MAMDC2: variants seen among roughly 807,000 people sequenced by gnomAD.
MAMDC2 encodes MAM domain-containing protein 2.
A neutral mutation model predicts 89.8 loss-of-function variants in MAMDC2; 57 were observed. The observed-to-expected ratio is 0.63, with a 90% CI of 0.51 to 0.79. The LOEUF is 0.79. Ranked by LOEUF, MAMDC2 falls within the 30% of genes least tolerant of loss-of-function variation. The pLI, the probability that MAMDC2 is intolerant of heterozygous loss-of-function variation, is 0.00. For missense variants in MAMDC2, 800 were observed against 820.6 expected (o/e 0.97, Z 0.31); for synonymous variants, 313 against 293.4 (o/e 1.07, Z -0.68).
At chr9:70,196,150 C>T (rs1021342204) in intron 11 of MAMDC2, among the ~76,000 whole-genome samples, 18 of 152,048 alleles carry the variant, frequency 1.2e-4, no homozygotes, top group African/African-American at 3.6e-4. Flanking sequence ...TTCACTACCA[C>T]CATAACAGTA....
At chr9:70,100,019 A>AGAGAGAGAGAGAGCAC (rs1352885859) in intron 2 of MAMDC2, among the ~76,000 whole-genome samples, 1 of 140,894 alleles carries the variant, frequency 7.1e-6, no homozygotes. Flanking sequence ...AGAGAGAGAG[A>AGAGAGAGAGAGAGCAC]GAGAGCACAA....
chr9:70,126,092 C>G, intron 5 of MAMDC2, 67 bp from the exon 6 acceptor site: 1 of 1,468,952 alleles, frequency 6.8e-7, no homozygotes, highest in Admixed American at 1.9e-5. Flanking sequence ...CACACCATTT[C>G]GCCTGAACCT....
In MAMDC2 at chr9:70,184,681, T is replaced by C. The variant is rs553737854; in HGVS notation, c.1651+14050T>C. ...TCTGCTTGATTGATTTGGCTATTGA[T>C]ACTTGTGTATGCTTCACAGAGTTCT... On this transcript the variant is annotated intron_variant, in intron 11 of 13. Coordinates refer to ENST00000377182, the MANE Select transcript of MAMDC2 (RefSeq NM_153267.5). Among the ~76,000 whole-genome samples, 7 of 152,160 alleles carry C rather than the reference T, an allele frequency of 4.6e-5. No individual in the cohort carries two copies. In the South Asian group the frequency reaches 1.5e-3, roughly 32 times the overall value.
At chr9:70,209,498 G>A (rs984769530) in intron 11 of MAMDC2, among the ~76,000 whole-genome samples, 4 of 151,714 alleles carry the variant, frequency 2.6e-5, no homozygotes, top group Non-Finnish European at 5.9e-5. Flanking sequence ...ATTTTTTATT[G>A]CATCTATTTG....
At chr9:70,148,889 C>T (rs550869297) in intron 9 of MAMDC2, among the ~76,000 whole-genome samples, 5 of 149,410 alleles carry the variant, frequency 3.3e-5, no homozygotes, top group African/African-American at 7.4e-5. Flanking sequence ...ATTAGCCGGG[C>T]GTGGTGGCAA....
rs759127823 is a variant in MAMDC2 at position 70,109,667 on chromosome 9, G to A, written c.421-53G>A. ...ACTAATAGCTGAAATACTGAACCAA[G>A]GAAACATGATGTTTTGAAGTCTAAC... On this transcript the variant is annotated intron_variant, in intron 3 of 13. Coordinates refer to ENST00000377182, the MANE Select transcript of MAMDC2 (RefSeq NM_153267.5). 2.0e-5 allele frequency: 29 copies of A among 1,424,818 alleles called. No individual in the cohort carries two copies. The South Asian group carries it at 3.1e-4, about 15-fold the overall frequency. 88.3% of individuals were successfully genotyped at this position (1,424,818 alleles called of 1,614,324 possible).
At chr9:70,206,049 T>C (rs1425104878) in intron 11 of MAMDC2, among the ~76,000 whole-genome samples, 3 of 152,378 alleles carry the variant, frequency 2.0e-5, no homozygotes, top group South Asian at 2.1e-4. Flanking sequence ...CTCTGATTCA[T>C]TGGTAAGTTT....
intron 11 of MAMDC2, among the ~76,000 whole-genome samples, chr9:70,187,728 GTCT>G (rs2032787432): frequency 6.6e-6 from 1 of 152,054 alleles, no homozygotes; most frequent in African/African-American, 2.4e-5. Context: ...ACAATATGTG[GTCT>G]TCTGTATCTG....
At chr9:70,056,951 C>T (rs1019026420) in intron 2 of MAMDC2, among the ~76,000 whole-genome samples, 2 of 152,162 alleles carry the variant, frequency 1.3e-5, no homozygotes, top group Admixed American at 6.5e-5. Context: ...CCCATCGCCC[C>T]TAGATGCAAC....
chr9:70,205,269 C>T (rs978771280), intron 11 of MAMDC2, among the ~76,000 whole-genome samples: 1 of 152,158 alleles, frequency 6.6e-6, no homozygotes, highest in African/African-American at 2.4e-5. Flanking sequence ...CCATCCATCT[C>T]CAGAGCTTTT....
chr9:70,175,092 C>T (rs901982892), intron 11 of MAMDC2, among the ~76,000 whole-genome samples: 1 of 152,040 alleles, frequency 6.6e-6, no homozygotes, highest in African/African-American at 2.4e-5. Context: ...AGGAGAGAAG[C>T]GATCTGATCT....
chr9:70,212,401 C>G (rs1341449073), intron 11 of MAMDC2, among the ~76,000 whole-genome samples: 2 of 152,236 alleles, frequency 1.3e-5, no homozygotes, highest in African/African-American at 2.4e-5. Context: ...GTGAGCGAGG[C>G]TCTGTGGGTT....
chr9:70,202,186 C>T (rs970909680), intron 11 of MAMDC2, among the ~76,000 whole-genome samples: 22 of 150,632 alleles, frequency 1.5e-4, no homozygotes, highest in African/African-American at 5.1e-4. Flanking sequence ...CTCTTGTGGG[C>T]ATTTAGTGCT....
chr9:70,214,561 ATGAG>A (rs1190123315), intron 11 of MAMDC2, among the ~76,000 whole-genome samples: 1 of 152,230 alleles, frequency 6.6e-6, no homozygotes, highest in Non-Finnish European at 1.5e-5. Context: ...AAGGTTTTAA[ATGAG>A]TGGTATGATT....
chr9:70,049,284 C>T (rs1225296295), intron 2 of MAMDC2, among the ~76,000 whole-genome samples: 2 of 152,108 alleles, frequency 1.3e-5, no homozygotes, highest in Non-Finnish European at 2.9e-5. Context: ...CTCTGATACC[C>T]TTTCCTTCAC....
At chr9:70,208,644 G>T (rs1452119064) in intron 11 of MAMDC2, among the ~76,000 whole-genome samples, 2 of 152,148 alleles carry the variant, frequency 1.3e-5, no homozygotes, top group Admixed American at 6.5e-5. Context: ...TTACCTGACT[G>T]CCCTGGCCAG....
At chr9:70,134,796 T>C (rs2030943963) in intron 7 of MAMDC2, among the ~76,000 whole-genome samples, 1 of 152,166 alleles carries the variant, frequency 6.6e-6, no homozygotes, top group African/African-American at 2.4e-5. Flanking sequence ...TGTTTCCCCA[T>C]TGGTCTTCAG....
chr9:70,166,209 C>G (rs1316500794), intron 9 of MAMDC2, among the ~76,000 whole-genome samples: 5 of 150,690 alleles, frequency 3.3e-5, no homozygotes, highest in South Asian at 4.2e-4. Context: ...TCATTGCACT[C>G]TAGCCTGGGC....
intron 11 of MAMDC2, chr9:70,194,285 T>G (rs542658236): frequency 1.3e-5 from 2 of 152,192 alleles, no homozygotes; most frequent in Non-Finnish European, 2.9e-5. Flanking sequence ...TGAATGTGTC[T>G]CCTCCAAATT....
Sources: gnomAD v4.1 joint callset for allele counts (sites outside exome capture counted in the v4.1 genomes callset) on GRCh38, gnomAD v4.1.1 for gene constraint, MANE v1.5 for transcripts, NCBI Gene and HGNC (gene_info 2026-07-23, HGNC 2026-07-21) for gene names.